Variants in TRIM9 observed in about 807,000 individuals in gnomAD.
TRIM9 encodes E3 ubiquitin-protein ligase TRIM9.
Under a neutral mutation model 78.3 loss-of-function variants are expected in TRIM9, and 26 were observed. That is an observed-to-expected ratio of 0.33 (90% CI 0.24 to 0.46). The LOEUF is 0.46. Ranked by LOEUF, TRIM9 falls within the 20% of genes least tolerant of loss-of-function variation. The pLI is 1.00. For missense variants in TRIM9, 787 were observed against 1,036.4 expected, an observed-to-expected ratio of 0.76 and a Z score of 3.30; for synonymous variants, 398 against 416.5, an observed-to-expected ratio of 0.96 and a Z score of 0.54.
rs146019164 is a variant in TRIM9, at chr14:50,999,158, T to C, written c.1465-970A>G. On this transcript the variant is annotated intron_variant, in intron 6 of 12. Coordinates refer to ENST00000684578, the MANE Select transcript of TRIM9 (RefSeq NM_001387360.1). ...ACAAGTTCCCAGGTGAAACCAATGC[T>C]GCTGGGGGAGGACCGCACTTTTGAG... 1.5e-4 allele frequency among the ~76,000 whole-genome samples: 23 copies of C among 152,244 alleles called. No individual in the cohort carries two copies. In the East Asian group the frequency reaches 4.4e-3, roughly 29 times the overall value.
intron 1 of TRIM9, among the ~76,000 whole-genome samples, chr14:51,082,165 A>T (rs1243336832): frequency 1.3e-5 from 2 of 152,204 alleles, no homozygotes; most frequent in African/African-American, 4.8e-5. Flanking sequence ...CCTCTGGTCA[A>T]GACACTTCTA....
chr14:51,093,422 T>C (rs926801949), intron 1 of TRIM9, among the ~76,000 whole-genome samples: 2 of 152,256 alleles, frequency 1.3e-5, no homozygotes, highest in Admixed American at 6.5e-5. Flanking sequence ...ACTCCGGTCC[T>C]GACACTCTAG....
chr14:51,072,275 TAAAA>T (rs891275645), intron 1 of TRIM9, among the ~76,000 whole-genome samples: 1 of 151,842 alleles, frequency 6.6e-6, no homozygotes, highest in African/African-American at 2.4e-5. Context: ...TTTACTACAT[TAAAA>T]AAAACACTGA....
chr14:50,982,184 G>A, intron 10 of TRIM9, 81 bp from the exon 11 acceptor site: 1 of 1,523,764 alleles, frequency 6.6e-7, no homozygotes, highest in Non-Finnish European at 8.9e-7. Flanking sequence ...GGCGGGTGAG[G>A]AGCGTTGTGT....
At chr14:50,978,146 C>A (rs1319941435) in intron 12 of TRIM9, among the ~76,000 whole-genome samples, 1 of 152,132 alleles carries the variant, frequency 6.6e-6, no homozygotes, top group Admixed American at 6.5e-5. Context: ...CATCTCCTTG[C>A]AGGGAGAAGG....
chr14:51,037,416 C>T (rs1284894987), intron 1 of TRIM9, among the ~76,000 whole-genome samples: 2 of 151,864 alleles, frequency 1.3e-5, no homozygotes, highest in African/African-American at 2.4e-5. Flanking sequence ...TGACCTAGAC[C>T]CCTGATAAAA....
intron 2 of TRIM9, among the ~76,000 whole-genome samples, chr14:51,024,429 T>G (rs924803556): frequency 1.3e-5 from 2 of 152,214 alleles, no homozygotes; most frequent in Non-Finnish European, 2.9e-5. Context: ...GTGGCTTACA[T>G]TTAAAAATCC....
At chr14:50,997,018 A>C in intron 7 of TRIM9, 1 of 985,414 alleles carries the variant, frequency 1.0e-6, no homozygotes, top group Non-Finnish European at 1.2e-6. Flanking sequence ...ACACCACCAT[A>C]GTTCTTTTAG....
chr14:51,052,924 C>T (rs753443199), intron 1 of TRIM9, among the ~76,000 whole-genome samples: 4 of 151,974 alleles, frequency 2.6e-5, no homozygotes, highest in South Asian at 2.1e-4. Flanking sequence ...TGGGAGGCTG[C>T]GGTGGGCAGA....
At chr14:51,010,540 G>A in intron 3 of TRIM9, 46 bp from the exon 4 acceptor site, 1 of 1,458,422 alleles carries the variant, frequency 6.9e-7, no homozygotes, top group Non-Finnish European at 9.5e-7. Flanking sequence ...ATGGCAGAGG[G>A]TAGAAGAGAA....
intron 1 of TRIM9, among the ~76,000 whole-genome samples, chr14:51,064,685 AT>A (rs2061604019): frequency 6.6e-6 from 1 of 152,114 alleles, no homozygotes; most frequent in East Asian, 1.9e-4. Context: ...CACAAAAAAA[AT>A]CCTATAGATA....
intron 1 of TRIM9, among the ~76,000 whole-genome samples, chr14:51,060,626 C>T (rs60558660): frequency 0.31 from 47,138 of 152,008 alleles, 7,643 homozygotes; most frequent in South Asian, 0.52. Flanking sequence ...GCCACCACGC[C>T]CGGCTAATTT....
intron 7 of TRIM9, among the ~76,000 whole-genome samples, chr14:50,994,128 C>T (rs910651093): frequency 2.0e-5 from 3 of 152,184 alleles, no homozygotes; most frequent in Non-Finnish European, 2.9e-5. Context: ...CAGGTAGGGG[C>T]TACATGGTGG....
intron 8 of TRIM9, among the ~76,000 whole-genome samples, chr14:50,984,686 C>A (rs1476929434): frequency 6.6e-6 from 1 of 152,170 alleles, no homozygotes; most frequent in Non-Finnish European, 1.5e-5. Flanking sequence ...ATTCTGAAAT[C>A]TTTTTACACT....
At chr14:51,041,452 C>G (rs1421851908) in intron 1 of TRIM9, among the ~76,000 whole-genome samples, 1 of 152,244 alleles carries the variant, frequency 6.6e-6, no homozygotes, top group South Asian at 2.1e-4. Context: ...AGCCCACAGC[C>G]TGGCCCTCTT....
intron 1 of TRIM9, among the ~76,000 whole-genome samples, chr14:51,062,814 A>C (rs1442157574): frequency 6.6e-6 from 1 of 152,252 alleles, no homozygotes; most frequent in Non-Finnish European, 1.5e-5. Context: ...TGTTAACAGT[A>C]AAATAAATAA....
chr14:50,991,429 T>C (rs1238066476), intron 7 of TRIM9, among the ~76,000 whole-genome samples: 1 of 152,214 alleles, frequency 6.6e-6, no homozygotes, highest in Admixed American at 6.5e-5. Flanking sequence ...TACCCAAATA[T>C]GGTCAGGTAT....
At chr14:51,040,876 C>T (rs998171020) in intron 1 of TRIM9, among the ~76,000 whole-genome samples, 4 of 152,202 alleles carry the variant, frequency 2.6e-5, no homozygotes, top group African/African-American at 9.7e-5. Context: ...AAATAAAATA[C>T]AACCTTATTC....
intron 1 of TRIM9, among the ~76,000 whole-genome samples, chr14:51,059,097 C>T (rs552645648): frequency 1.1e-4 from 17 of 152,300 alleles, no homozygotes; most frequent in Middle Eastern, 6.8e-3. Flanking sequence ...AATATCAGCA[C>T]GAGCTTCCCT....
Sources: gnomAD v4.1 joint callset for allele counts (sites outside exome capture counted in the v4.1 genomes callset) on GRCh38, gnomAD v4.1.1 for gene constraint, MANE v1.5 for transcripts, NCBI Gene and HGNC (gene_info 2026-07-23, HGNC 2026-07-21) for gene names.